The following GALNTL6 variants were observed in gnomAD, a reference collection of about 807,000 sequenced individuals.
GALNTL6 encodes the protein polypeptide N-acetylgalactosaminyltransferase-like 6.
Under a neutral mutation model 73.7 loss-of-function variants are expected in GALNTL6, and 46 were observed. The ratio of observed to expected loss-of-function variants is 0.62; its 90% CI spans 0.49 to 0.80. The LOEUF is 0.80. Ranked by LOEUF, GALNTL6 falls within the 30% of genes least tolerant of loss-of-function variation. The pLI is 0.00. For missense variants in GALNTL6, 604 were observed against 755.0 expected, an observed-to-expected ratio of 0.80 and a Z score of 2.34; for synonymous variants, 259 against 263.7, an observed-to-expected ratio of 0.98 and a Z score of 0.17.
chr4:171,962,508 T>G (rs951889373), intron 2 of GALNTL6, among the ~76,000 whole-genome samples: 2 of 152,090 alleles, frequency 1.3e-5, no homozygotes, highest in African/African-American at 4.8e-5. Context: ...AAGACACTCC[T>G]ACCAGCGCCA....
intron 5 of GALNTL6, among the ~76,000 whole-genome samples, chr4:172,595,753 ATAGATAACATGCT>A (rs1232027035): frequency 9.9e-5 from 15 of 152,190 alleles, no homozygotes; most frequent in Non-Finnish European, 2.9e-5. Context: ...AAAAGAATTA[ATAGATAACATGCT>A]TCTGAAAATT....
At chr4:172,466,470 G>A (rs1187356459) in intron 5 of GALNTL6, among the ~76,000 whole-genome samples, 1 of 152,130 alleles carries the variant, frequency 6.6e-6, no homozygotes. Flanking sequence ...CAGCTAGGCT[G>A]GAGTTGACAA....
chr4:172,912,197 G>C (rs1002726729), intron 8 of GALNTL6, among the ~76,000 whole-genome samples: 8 of 152,212 alleles, frequency 5.3e-5, no homozygotes, highest in South Asian at 4.1e-4. Flanking sequence ...ATTATTGTGA[G>C]CCTTCAGAGT....
At chr4:172,717,470 A>G (rs1406585805) in intron 5 of GALNTL6, among the ~76,000 whole-genome samples, 1 of 152,230 alleles carries the variant, frequency 6.6e-6, no homozygotes, top group Non-Finnish European at 1.5e-5. Context: ...ATGAACAGTG[A>G]AAAGTTGTTA....
intron 5 of GALNTL6, among the ~76,000 whole-genome samples, chr4:172,527,057 T>G (rs897440472): frequency 6.6e-6 from 1 of 152,186 alleles, no homozygotes; most frequent in African/African-American, 2.4e-5. Context: ...TATCTAGCCC[T>G]TTTTGCTACT....
chr4:171,909,079 A>G (rs563218058), intron 2 of GALNTL6, among the ~76,000 whole-genome samples: 1,753 of 150,820 alleles, frequency 0.012, 42 homozygotes, highest in African/African-American at 0.04. Flanking sequence ...CACCAGCATG[A>G]CACATGTATA....
chr4:172,338,425 C>T (rs971794637), intron 4 of GALNTL6, among the ~76,000 whole-genome samples: 4 of 151,866 alleles, frequency 2.6e-5, no homozygotes, highest in Middle Eastern at 3.2e-3. Context: ...TTGTGTGAAT[C>T]GGATTTTTTT....
intron 5 of GALNTL6, among the ~76,000 whole-genome samples, chr4:172,589,450 A>G (rs111593394): frequency 0.029 from 4,468 of 152,240 alleles, 110 homozygotes; most frequent in South Asian, 0.085. Context: ...TTTGATTCCT[A>G]TTACCTCTTG....
At chr4:172,290,727 A>G (rs1739439054) in intron 3 of GALNTL6, among the ~76,000 whole-genome samples, 1 of 151,898 alleles carries the variant, frequency 6.6e-6, no homozygotes, top group East Asian at 1.9e-4. Flanking sequence ...ATCATGTAAC[A>G]TGATATAAAA....
At chr4:171,977,045 C>T (rs1212665493) in intron 2 of GALNTL6, among the ~76,000 whole-genome samples, 4 of 152,112 alleles carry the variant, frequency 2.6e-5, no homozygotes, top group African/African-American at 9.7e-5. Context: ...GAGCAGAAGC[C>T]GGCTGCATTT....
Position 172,217,579 on chromosome 4 carries a change from G to C in GALNTL6, c.139-12077G>C, listed in dbSNP as rs192706770. On this transcript the variant is annotated intron_variant, in intron 2 of 12. Transcript: ENST00000506823. ...GCCATCAAAATAATTCTTCATTTCT[G>C]TTATAAATATTTTAGAATTTCTAGC... Among the ~76,000 whole-genome samples, 18 of 152,140 alleles carry C rather than the reference G, an allele frequency of 1.2e-4. No homozygotes were observed. In the South Asian group the frequency reaches 1.5e-3, roughly 12 times the overall value.
At chr4:173,012,062 C>T (rs764422933) in intron 11 of GALNTL6, among the ~76,000 whole-genome samples, 6 of 152,158 alleles carry the variant, frequency 3.9e-5, no homozygotes, top group Non-Finnish European at 8.8e-5. Context: ...TACCACCAAG[C>T]TCACCTAACC....
rs544598968 is a variant in GALNTL6, at chr4:172,648,271, A to C, written c.554-161090A>C. Among the ~76,000 whole-genome samples the C allele has an allele frequency of 1.5e-3, 235 of 152,282 alleles. 3 individuals carry two copies. Among genetic ancestry groups the C allele is most frequent in the Middle Eastern group, 0.01 (3 of 294 alleles). ...TTAACTCATTGGCCAGGCTTCAGAAATACAGCTCCTAAAGCTTCTAAAGTA... is the reference window on the plus strand; with the variant it reads ...TTAACTCATTGGCCAGGCTTCAGAACTACAGCTCCTAAAGCTTCTAAAGTA... On this transcript the variant is annotated intron_variant, in intron 5 of 12. Coordinates refer to ENST00000506823, the MANE Select transcript of GALNTL6 (RefSeq NM_001034845.3).
At chr4:172,214,445 C>T (rs1037875715) in intron 2 of GALNTL6, among the ~76,000 whole-genome samples, 6 of 151,330 alleles carry the variant, frequency 4.0e-5, no homozygotes, top group African/African-American at 1.5e-4. Flanking sequence ...TAGCTTTTGA[C>T]TTAATTGGTT....
At chr4:172,097,245 T>C (rs1732381759) in intron 2 of GALNTL6, among the ~76,000 whole-genome samples, 1 of 152,232 alleles carries the variant, frequency 6.6e-6, no homozygotes, top group Non-Finnish European at 1.5e-5. Context: ...TTATATTCAC[T>C]ATAAACTTCT....
chr4:172,336,422 C>A (rs1428997107), intron 4 of GALNTL6, among the ~76,000 whole-genome samples: 1 of 150,804 alleles, frequency 6.6e-6, no homozygotes, highest in Non-Finnish European at 1.5e-5. Flanking sequence ...CAGGCACATG[C>A]CACCATGCCC....
Position 172,750,236 on chromosome 4 carries a change from A to G in GALNTL6, c.554-59125A>G, listed in dbSNP as rs1428764154. ...TTTGTACTTCAATAACACAACTTCAACAAAGTTTTACAGTGAAAGACATAT... is the reference window on the plus strand; with the variant it reads ...TTTGTACTTCAATAACACAACTTCAGCAAAGTTTTACAGTGAAAGACATAT... On this transcript the variant is annotated intron_variant, in intron 5 of 12. Coordinates refer to ENST00000506823, the MANE Select transcript of GALNTL6 (RefSeq NM_001034845.3). 2.0e-5 allele frequency among the ~76,000 whole-genome samples: 3 copies of G among 152,344 alleles called. No homozygotes were observed. In the South Asian group the frequency reaches 6.2e-4, roughly 32 times the overall value.
chr4:172,946,311 T>TACAAATA (rs1561049060), intron 9 of GALNTL6, among the ~76,000 whole-genome samples: 1 of 152,064 alleles, frequency 6.6e-6, no homozygotes, highest in Non-Finnish European at 1.5e-5. Flanking sequence ...GCCCAAATAA[T>TACAAATA]ACAAATACAG....
chr4:172,461,375 T>C (rs766153458), intron 5 of GALNTL6, among the ~76,000 whole-genome samples: 1 of 151,734 alleles, frequency 6.6e-6, no homozygotes, highest in Non-Finnish European at 1.5e-5. Context: ...AAATAAAAGA[T>C]TTTTTTTCTC....
Sources: allele counts gnomAD v4.1 joint callset (sites outside exome capture counted in the v4.1 genomes callset), GRCh38; gene constraint gnomAD v4.1.1; transcripts MANE v1.5; gene names NCBI Gene and HGNC (gene_info 2026-07-23, HGNC 2026-07-21).